SPACA7: variants seen among roughly 807,000 people sequenced by gnomAD.
SPACA7 encodes the protein sperm acrosome associated 7.
Under a neutral mutation model 26.3 loss-of-function variants are expected in SPACA7, and 19 were observed. That is an observed-to-expected ratio of 0.72 (90% CI 0.50 to 1.06). The LOEUF (loss-of-function observed/expected upper bound fraction) is 1.06, where lower values mean the gene tolerates loss of function less well. SPACA7 is among the 50% of genes least tolerant of loss of function. SPACA7 has a pLI of 0.00. For missense variants in SPACA7, 211 were observed against 229.9 expected, an observed-to-expected ratio of 0.92 and a Z score of 0.53; for synonymous variants, 84 against 84.5, an observed-to-expected ratio of 0.99 and a Z score of 0.04.
In SPACA7 at chr13:112,407,024, A is replaced by C. The variant is rs539942760; in HGVS notation, c.445+5860A>C. Among the ~76,000 whole-genome samples, 4 of 152,338 alleles carry C rather than the reference A, an allele frequency of 2.6e-5. No individual in the cohort carries two copies. The East Asian group carries it at 7.7e-4, about 29-fold the overall frequency. ...GAAATTATAACAAACTGTCTCTCAG[A>C]CCACAGTGCAATCAAACTAGAACTC... On this transcript the variant is annotated intron_variant, in intron 5 of 6. Coordinates refer to ENST00000283550, the MANE Select transcript of SPACA7 (RefSeq NM_145248.5).
chr13:112,424,147 G>A (rs532706083), intron 5 of SPACA7, among the ~76,000 whole-genome samples: 1 of 152,328 alleles, frequency 6.6e-6, no homozygotes, highest in African/African-American at 2.4e-5. Flanking sequence ...GGGTGAAGCG[G>A]AGCAGCCCCT....
At chr13:112,410,340 A>C (rs1451430416) in intron 5 of SPACA7, among the ~76,000 whole-genome samples, 1 of 152,058 alleles carries the variant, frequency 6.6e-6, no homozygotes, top group Non-Finnish European at 1.5e-5. Flanking sequence ...TATTGTGCAC[A>C]TGTACCCTAG....
At chr13:112,423,803 C>G (rs1247099344) in intron 5 of SPACA7, among the ~76,000 whole-genome samples, 3 of 152,230 alleles carry the variant, frequency 2.0e-5, no homozygotes, top group Admixed American at 6.5e-5. Context: ...ATCTGGCAAT[C>G]AACCTGAAAC....
intron 5 of SPACA7, among the ~76,000 whole-genome samples, chr13:112,414,338 C>T (rs1417613507): frequency 7.6e-6 from 1 of 132,008 alleles, no homozygotes; most frequent in Non-Finnish European, 1.6e-5. Flanking sequence ...GTTATTATTT[C>T]AATCTTTCAT....
At chr13:112,401,514 CAGAT>C (rs1566470263) in intron 5 of SPACA7, among the ~76,000 whole-genome samples, 1 of 152,028 alleles carries the variant, frequency 6.6e-6, no homozygotes, top group Non-Finnish European at 1.5e-5. Context: ...GATAGATAGA[CAGAT>C]AGATGATAGA....
At chr13:112,384,037 A>G (rs1290894417) in intron 1 of SPACA7, among the ~76,000 whole-genome samples, 1 of 152,250 alleles carries the variant, frequency 6.6e-6, no homozygotes, top group Admixed American at 6.5e-5. Flanking sequence ...CTTTAAAGAA[A>G]TAAGTTATCT....
At chr13:112,434,445 C>G (rs773368958) in intron 6 of SPACA7, 40 bp from the exon 7 acceptor site, 1 of 1,555,986 alleles carries the variant, frequency 6.4e-7, no homozygotes, top group South Asian at 1.2e-5. Context: ...CTCCCTCATA[C>G]CACACACTGC....
chr13:112,432,281 C>T (rs1345958944), intron 5 of SPACA7, among the ~76,000 whole-genome samples, 163 bp from the exon 6 acceptor site: 8 of 152,220 alleles, frequency 5.3e-5, no homozygotes, highest in African/African-American at 1.9e-4. Flanking sequence ...GATGGCCTCG[C>T]CTGAGGCTGT....
rs377213720 is a variant in SPACA7 at position 112,431,641 on chromosome 13, G to A, written c.446-803G>A. ...CCAGTCAACAGTAGTCATTATTCAT[G>A]CGTTCACAAAATGCAGATGTACCAA... On this transcript the variant is annotated intron_variant, in intron 5 of 6. Coordinates refer to ENST00000283550, the MANE Select transcript of SPACA7 (RefSeq NM_145248.5). Among the ~76,000 whole-genome samples, 80 of 152,330 alleles carry A rather than the reference G, an allele frequency of 5.3e-4. No homozygotes were observed. In the South Asian group the frequency reaches 7.7e-3, roughly 15 times the overall value.
intron 5 of SPACA7, among the ~76,000 whole-genome samples, chr13:112,412,282 A>C (rs1886399932): frequency 6.6e-6 from 1 of 151,808 alleles, no homozygotes. Context: ...TTTTTAAATT[A>C]GTTTTTTTGT....
chr13:112,414,388 C>CTTTTTTTTTT lies in SPACA7; in HGVS notation c.445+13255_445+13264dup, dbSNP rs869183760. Among the ~76,000 whole-genome samples, 75 of 31,396 alleles carry CTTTTTTTTTT rather than the reference C, an allele frequency of 2.4e-3. 29 individuals carry two copies. Among genetic ancestry groups the CTTTTTTTTTT allele is most frequent in the Non-Finnish European group, 3.4e-3 (59 of 17,230 alleles). The allele number at this position is 31,396 out of a possible 152,430, so 20.6% of individuals were successfully genotyped here. A position where few individuals can be genotyped will look rare whatever the true frequency, so the allele number is the denominator to read the frequency against. The stretch of plus-strand genomic sequence containing the variant: ...AAGTTTCTGAATGGCTTTTCTGTGT[C>CTTTTTTTTTT]TTTTTTTTTTTTTTTTTTTTTTTTT... On this transcript the variant is annotated intron_variant, in intron 5 of 6. Coordinates refer to ENST00000283550, the MANE Select transcript of SPACA7 (RefSeq NM_145248.5).
At chr13:112,382,038 G>A (rs190307421) in intron 1 of SPACA7, among the ~76,000 whole-genome samples, 1 of 152,292 alleles carries the variant, frequency 6.6e-6, no homozygotes, top group East Asian at 1.9e-4. Context: ...GGACTGCTTT[G>A]GGAAAGAGCT....
At chr13:112,425,710 T>C (rs920005537) in intron 5 of SPACA7, among the ~76,000 whole-genome samples, 33 of 152,050 alleles carry the variant, frequency 2.2e-4, no homozygotes, top group Admixed American at 6.5e-5. Flanking sequence ...CAGCGTAACA[T>C]GATTTTTTTG....
intron 5 of SPACA7, among the ~76,000 whole-genome samples, chr13:112,416,804 T>TG (rs1555329280): frequency 6.1e-5 from 9 of 148,042 alleles, no homozygotes; most frequent in African/African-American, 2.2e-4. Flanking sequence ...TGATTATGAG[T>TG]TGTGTGTGTG....
At chr13:112,380,869 AG>A (rs1884012394) in intron 1 of SPACA7, among the ~76,000 whole-genome samples, 1 of 152,236 alleles carries the variant, frequency 6.6e-6, no homozygotes, top group Non-Finnish European at 1.5e-5. Flanking sequence ...TGTTCAACAG[AG>A]AAAACTAGGA....
intron 4 of SPACA7, among the ~76,000 whole-genome samples, chr13:112,400,216 C>G (rs1008900524): frequency 2.6e-5 from 4 of 152,168 alleles, no homozygotes; most frequent in African/African-American, 9.7e-5. Flanking sequence ...ATCTGCATCC[C>G]AATCCATTAC....
chr13:112,416,219 G>T (rs900559559), intron 5 of SPACA7, among the ~76,000 whole-genome samples: 3 of 152,126 alleles, frequency 2.0e-5, no homozygotes, highest in African/African-American at 7.2e-5. Flanking sequence ...TCCTACAGGG[G>T]TCAATCACTG....
At chr13:112,409,111 G>T (rs1441732113) in intron 5 of SPACA7, among the ~76,000 whole-genome samples, 1 of 152,144 alleles carries the variant, frequency 6.6e-6, no homozygotes, top group Non-Finnish European at 1.5e-5. Flanking sequence ...ACAAGGAATG[G>T]GGAAAGGATT....
At chr13:112,377,815 G>A (rs988383155) in intron 1 of SPACA7, among the ~76,000 whole-genome samples, 1 of 152,220 alleles carries the variant, frequency 6.6e-6, no homozygotes, top group Non-Finnish European at 1.5e-5. Context: ...TCATCTGGTG[G>A]AGGATGTGTG....
Sources: allele counts gnomAD v4.1 joint callset (sites outside exome capture counted in the v4.1 genomes callset), GRCh38; gene constraint gnomAD v4.1.1; transcripts MANE v1.5; gene names NCBI Gene and HGNC (gene_info 2026-07-23, HGNC 2026-07-21).